Variants in DACH1 observed in about 807,000 individuals in gnomAD.
The protein encoded by DACH1 is dachshund homolog 1.
Under a neutral mutation model 54.2 loss-of-function variants are expected in DACH1, and 12 were observed. The observed-to-expected ratio is 0.22, with a 90% CI of 0.14 to 0.36. The LOEUF (loss-of-function observed/expected upper bound fraction) is 0.36, where lower values mean the gene tolerates loss of function less well. Ranked by LOEUF, DACH1 falls within the 10% of genes least tolerant of loss-of-function variation. The pLI is 1.00. For missense variants in DACH1, 805 were observed against 929.8 expected (o/e 0.87, Z 1.75); for synonymous variants, 386 against 366.2 (o/e 1.05, Z -0.62).
intron 1 of DACH1, among the ~76,000 whole-genome samples, chr13:71,779,274 C>T (rs1265528719): frequency 4.5e-5 from 4 of 88,746 alleles, no homozygotes; most frequent in African/African-American, 1.3e-4. Flanking sequence ...TGTATATATA[C>T]GTATATACGT....
chr13:71,764,308 G>A (rs1318050532), intron 1 of DACH1, among the ~76,000 whole-genome samples: 9 of 152,224 alleles, frequency 5.9e-5, no homozygotes, highest in East Asian at 5.8e-4. Flanking sequence ...GCTGAGACAC[G>A]AGGATTACTT....
intron 3 of DACH1, among the ~76,000 whole-genome samples, chr13:71,607,824 G>C (rs764310913): frequency 1.5e-4 from 23 of 151,998 alleles, no homozygotes; most frequent in Non-Finnish European, 2.4e-4. Flanking sequence ...CAGACTGCCT[G>C]TCAGCTGTAT....
intron 3 of DACH1, among the ~76,000 whole-genome samples, chr13:71,588,297 T>C (rs17206181): frequency 0.034 from 5,148 of 152,192 alleles, 110 homozygotes; most frequent in Middle Eastern, 0.075. Flanking sequence ...CAATATCCTG[T>C]TTCAAAATGT....
intron 7 of DACH1, 145 bp from the exon 8 acceptor site, chr13:71,479,461 C>T: frequency 1.5e-6 from 1 of 657,664 alleles, no homozygotes; most frequent in Non-Finnish European, 2.4e-6. Flanking sequence ...AGAACAAATA[C>T]TATAACTAAA....
chr13:71,807,115 T>C (rs1887533645), intron 1 of DACH1, among the ~76,000 whole-genome samples: 1 of 152,148 alleles, frequency 6.6e-6, no homozygotes, highest in Admixed American at 6.6e-5. Context: ...AGGCAGTTCC[T>C]GCTTTTGCAG....
chr13:71,488,568 C>T (rs188945237), intron 7 of DACH1, among the ~76,000 whole-genome samples: 1 of 151,866 alleles, frequency 6.6e-6, no homozygotes, highest in East Asian at 1.9e-4. Context: ...CTAAATTAGA[C>T]ATATTTTAAA....
chr13:71,663,731 G>C (rs1209341363), intron 2 of DACH1, among the ~76,000 whole-genome samples: 1 of 151,848 alleles, frequency 6.6e-6, no homozygotes, highest in Non-Finnish European at 1.5e-5. Context: ...GTTTCAGAGT[G>C]AATATAAATA....
intron 10 of DACH1, among the ~76,000 whole-genome samples, chr13:71,449,542 G>A (rs188928132): frequency 6.6e-6 from 1 of 151,944 alleles, no homozygotes; most frequent in Non-Finnish European, 1.5e-5. Context: ...GGGGCTAGGG[G>A]AGGGAGAGCA....
chr13:71,457,422 A>G (rs2138131087), intron 10 of DACH1, among the ~76,000 whole-genome samples: 1 of 152,080 alleles, frequency 6.6e-6, no homozygotes, highest in East Asian at 1.9e-4. Flanking sequence ...ATCATTCACT[A>G]TTCTAATTTC....
chr13:71,642,982 G>A (rs547226677), intron 2 of DACH1, among the ~76,000 whole-genome samples: 53 of 151,782 alleles, frequency 3.5e-4, no homozygotes, highest in African/African-American at 1.1e-3. Flanking sequence ...CAGAGATCGC[G>A]CCACTGCACT....
rs1593916293 is a variant in DACH1, at chr13:71,572,890, C to T, written c.1249G>A (p.Ala417Thr). 3.7e-6 allele frequency: 6 copies of T among 1,613,980 alleles called. No homozygotes were observed. Among genetic ancestry groups the T allele is most frequent in the Admixed American group, 3.3e-5 (2 of 60,006 alleles). ...HLSTIANMAAAAQVQSPPSRV... is the reference protein window; with the variant it reads ...HLSTIANMAATAQVQSPPSRV... ...GATGGGGGACTCTGAACTTGTGCTG[C>T]TGCTGCCATATTTGCAATGGTGCTG... Residue 417 changes from alanine (A) to threonine (T), a missense_variant, in exon 4 of 11, where the codon GCA (alanine) becomes ACA (threonine). Ala to Thr is a moderately conservative substitution (Grantham distance 58, BLOSUM62 0). Transcript: ENST00000613252.
intron 3 of DACH1, among the ~76,000 whole-genome samples, chr13:71,604,754 A>G (rs971520446): frequency 6.6e-6 from 1 of 151,910 alleles, no homozygotes; most frequent in African/African-American, 2.4e-5. Context: ...GCAATTTCTC[A>G]TTTATCTCCT....
intron 1 of DACH1, among the ~76,000 whole-genome samples, chr13:71,691,199 C>T (rs1881460635): frequency 6.6e-6 from 1 of 152,144 alleles, no homozygotes; most frequent in Non-Finnish European, 1.5e-5. Context: ...AATATGAACC[C>T]ATTGCTCCTA....
chr13:71,568,849 C>T (rs769673311), intron 4 of DACH1, among the ~76,000 whole-genome samples: 1 of 151,914 alleles, frequency 6.6e-6, no homozygotes, highest in African/African-American at 2.4e-5. Context: ...AATACAGGTA[C>T]AGTTTATAAT....
rs1594218326 is a variant in DACH1 at position 71,785,125 on chromosome 13, C to T, written c.848+80797G>A. Among the ~76,000 whole-genome samples, 3 of 152,154 alleles carry T rather than the reference C, an allele frequency of 2.0e-5. No homozygotes were observed. The South Asian group carries it at 6.2e-4, about 32-fold the overall frequency. Reference sequence around the variant, plus strand: ...TTCTAAGATGTAAGAGTATTCTGAACCACAAAATTAATAAGGGTCCAATTA... The same window carrying T: ...TTCTAAGATGTAAGAGTATTCTGAATCACAAAATTAATAAGGGTCCAATTA... On this transcript the variant is annotated intron_variant, in intron 1 of 10. Coordinates refer to ENST00000613252, the MANE Select transcript of DACH1 (RefSeq NM_080759.6).
intron 1 of DACH1, among the ~76,000 whole-genome samples, chr13:71,706,071 C>T (rs1348762193): frequency 6.6e-6 from 1 of 151,898 alleles, no homozygotes; most frequent in African/African-American, 2.4e-5. Flanking sequence ...TCTACCTTTA[C>T]CACCAGCTTC....
intron 6 of DACH1, among the ~76,000 whole-genome samples, chr13:71,550,292 A>G (rs1039052482): frequency 6.6e-6 from 1 of 152,176 alleles, no homozygotes; most frequent in Admixed American, 6.6e-5. Flanking sequence ...TTAACTCTGA[A>G]AAGAACTTTA....
chr13:71,796,208 A>G (rs2138109044), intron 1 of DACH1, among the ~76,000 whole-genome samples: 1 of 152,272 alleles, frequency 6.6e-6, no homozygotes, highest in South Asian at 2.1e-4. Flanking sequence ...AGAAGTTAGA[A>G]TAATAGTGCT....
chr13:71,765,978 C>G lies in DACH1; in HGVS notation c.849-84068G>C, dbSNP rs1008880654. Among the ~76,000 whole-genome samples the G allele has an allele frequency of 5.9e-5, 9 of 151,714 alleles. No individual in the cohort carries two copies. The East Asian group carries it at 1.2e-3, about 20-fold the overall frequency. On this transcript the variant is annotated intron_variant, in intron 1 of 10. Coordinates refer to ENST00000613252, the MANE Select transcript of DACH1 (RefSeq NM_080759.6). ...CTCTGCTCACTGCAAGCTCCGCCTCCCGGGTTCACACCATTCTCCTGCCTC... is the reference window on the plus strand; with the variant it reads ...CTCTGCTCACTGCAAGCTCCGCCTCGCGGGTTCACACCATTCTCCTGCCTC...
Sources: allele counts gnomAD v4.1 joint callset (sites outside exome capture counted in the v4.1 genomes callset), GRCh38; gene constraint gnomAD v4.1.1; transcripts MANE v1.5; gene names NCBI Gene and HGNC (gene_info 2026-07-23, HGNC 2026-07-21).